The following RMP64 variants were observed in gnomAD, a reference collection of about 807,000 sequenced individuals.
RMP64 encodes the protein nucleolus and neural progenitor protein.
chr3:113,004,707 C>G, the RMP64 span: 1 of 152,204 alleles, frequency 6.6e-6, no homozygotes, highest in African/African-American at 2.4e-5. Context: ...CATCCCCTAT[C>G]AGATGACAGC....
the RMP64 span, chr3:113,005,938 G>T: frequency 6.2e-7 from 1 of 1,613,820 alleles, no homozygotes; most frequent in African/African-American, 1.3e-5. Context: ...TTGAAGTTTT[G>T]ATACCTGAGC....
the RMP64 span, chr3:113,008,418 C>T: frequency 6.2e-7 from 1 of 1,609,946 alleles, no homozygotes; most frequent in South Asian, 1.1e-5. Context: ...CATTTAAAAT[C>T]AAAACTGGTC....
the RMP64 span, among the ~76,000 whole-genome samples, chr3:113,018,914 G>A: frequency 6.6e-6 from 1 of 152,110 alleles, no homozygotes; most frequent in African/African-American, 2.4e-5. Flanking sequence ...AAACAACCTG[G>A]CTCCTGCGCC....
the RMP64 span, chr3:113,019,478 G>A: frequency 1.0e-5 from 14 of 1,384,508 alleles, no homozygotes; most frequent in Non-Finnish European, 1.4e-5. Flanking sequence ...GCCCACATGC[G>A]CCGGCTGGGC....
the RMP64 span, chr3:113,011,065 T>C: frequency 4.7e-5 from 76 of 1,601,254 alleles, no homozygotes; most frequent in Non-Finnish European, 6.0e-5. Flanking sequence ...TCTCTTATTC[T>C]TTACTGGCTG....
chr3:113,017,347 G>A, the RMP64 span: 1 of 993,370 alleles, frequency 1.0e-6, no homozygotes, highest in Non-Finnish European at 1.5e-6. Flanking sequence ...GTAATTTACT[G>A]AGATTTCCAC....
chr3:113,011,881 TAAG>T, the RMP64 span, among the ~76,000 whole-genome samples: 4 of 152,202 alleles, frequency 2.6e-5, no homozygotes, highest in Non-Finnish European at 4.4e-5. Context: ...TACCTCTGAT[TAAG>T]AATAAGTAGA....
the RMP64 span, chr3:113,005,955 G>A: frequency 1.2e-6 from 2 of 1,613,778 alleles, no homozygotes; most frequent in Admixed American, 1.7e-5. Flanking sequence ...GAGCCACGAA[G>A]AAGGTGGTTG....
the RMP64 span, chr3:113,006,141 A>G: frequency 3.1e-6 from 2 of 653,966 alleles, no homozygotes; most frequent in Middle Eastern, 4.2e-4. Context: ...CCAGAACCAC[A>G]TCGAAAAATT....
chr3:113,005,639 T>G, the RMP64 span: 1 of 1,613,858 alleles, frequency 6.2e-7, no homozygotes, highest in East Asian at 2.2e-5. Context: ...CGAATCAGTT[T>G]CATTTTCATG....
chr3:113,018,494 G>A, the RMP64 span, among the ~76,000 whole-genome samples: 2 of 152,176 alleles, frequency 1.3e-5, no homozygotes, highest in African/African-American at 4.8e-5. Flanking sequence ...AAGGGGATGT[G>A]ATGATCTAAG....
the RMP64 span, chr3:113,011,307 G>C: frequency 1.2e-6 from 2 of 1,613,594 alleles, no homozygotes; most frequent in Non-Finnish European, 1.7e-6. Flanking sequence ...TAAAATCTTT[G>C]AAGTAAGGCA....
chr3:113,007,898 C>G, the RMP64 span, among the ~76,000 whole-genome samples: 5 of 152,202 alleles, frequency 3.3e-5, no homozygotes, highest in Admixed American at 1.3e-4. Flanking sequence ...GCTCAGCACA[C>G]TAGACACTCT....
chr3:113,012,956 A>T, the RMP64 span: 17 of 629,178 alleles, frequency 2.7e-5, no homozygotes, highest in East Asian at 4.1e-4. Context: ...TTAAGAATTT[A>T]AAACTTTAAA....
At chr3:113,019,475 T>A in the RMP64 span, 38 of 1,357,590 alleles carry the variant, frequency 2.8e-5, no homozygotes, top group Non-Finnish European at 3.5e-5. Context: ...CCCGCCCACA[T>A]GCGCCGGCTG....
the RMP64 span, among the ~76,000 whole-genome samples, chr3:113,018,773 T>C: frequency 6.6e-6 from 1 of 152,150 alleles, no homozygotes; most frequent in East Asian, 1.9e-4. Context: ...CATTATCAAC[T>C]CTTTCATCCC....
chr3:113,019,484 T>A, the RMP64 span: 2 of 1,423,792 alleles, frequency 1.4e-6, no homozygotes, highest in Non-Finnish European at 2.0e-6. Flanking sequence ...ATGCGCCGGC[T>A]GGGCCTGGCG....
chr3:113,005,676 T>C, the RMP64 span: 31 of 1,613,818 alleles, frequency 1.9e-5, no homozygotes, highest in Admixed American at 3.3e-5. Context: ...TCATGAATCA[T>C]TTTCTCCTTA....
At chr3:113,012,707 TGAAG>T in the RMP64 span, 1 of 1,262,116 alleles carries the variant, frequency 7.9e-7, no homozygotes, top group Non-Finnish European at 1.1e-6. Flanking sequence ...GAGAAAGAAA[TGAAG>T]GATGTCAGAG....
Sources: gnomAD v4.1 joint callset for allele counts (sites outside exome capture counted in the v4.1 genomes callset) on GRCh38, gnomAD v4.1.1 for gene constraint, MANE v1.5 for transcripts, NCBI Gene and HGNC (gene_info 2026-07-23, HGNC 2026-07-21) for gene names.